Variants in ZMIZ1 observed in about 807,000 individuals in gnomAD.
ZMIZ1 encodes zinc finger MIZ domain-containing protein 1.
ZMIZ1 carries 17 observed loss-of-function variants against 113.9 expected under a neutral mutation model. The observed-to-expected ratio is 0.15, with a 90% CI of 0.10 to 0.22. The LOEUF (loss-of-function observed/expected upper bound fraction) is 0.22, where lower values mean the gene tolerates loss of function less well. Among genes scored for constraint, ZMIZ1 ranks in the 10% least tolerant of loss-of-function variants. ZMIZ1 has a pLI of 1.00. For synonymous variants in ZMIZ1, 607 were observed against 603.1 expected (o/e 1.01, Z -0.09); for missense variants, 1,059 against 1,477.8 (o/e 0.72, Z 4.65).
At chr10:79,311,300 G>T in intron 24 of ZMIZ1, 116 bp downstream of exon 24, 4 of 1,124,140 alleles carry the variant, frequency 3.6e-6, no homozygotes, top group South Asian at 1.6e-5. Context: ...TGGGTGGGCG[G>T]TGGGAGGGCT....
chr10:79,239,026 G>T (rs1417446569), intron 7 of ZMIZ1, among the ~76,000 whole-genome samples: 1 of 152,170 alleles, frequency 6.6e-6, no homozygotes, highest in Non-Finnish European at 1.5e-5. Context: ...GAGCTCAACC[G>T]CAACTGTCCC....
intron 3 of ZMIZ1, among the ~76,000 whole-genome samples, chr10:79,149,390 G>A (rs931082774): frequency 2.0e-5 from 3 of 152,206 alleles, no homozygotes; most frequent in African/African-American, 7.2e-5. Context: ...GAGGGCCTCT[G>A]TTCAGATCTC....
At chr10:79,284,270 C>T (rs753720593) in intron 8 of ZMIZ1, among the ~76,000 whole-genome samples, 24 of 152,078 alleles carry the variant, frequency 1.6e-4, no homozygotes, top group Non-Finnish European at 3.1e-4. Context: ...CTATAAAATA[C>T]GTGAAAAAAG....
chr10:79,093,128 C>CA (rs1843036752), intron 1 of ZMIZ1, among the ~76,000 whole-genome samples: 3 of 117,670 alleles, frequency 2.5e-5, no homozygotes, highest in Admixed American at 1.9e-4. Context: ...CCACCCCCCC[C>CA]ACCCCCAACA....
rs1855277006 is a variant in ZMIZ1, at chr10:79,312,717, G to A, written c.3172G>A (p.Asp1058Asn). Residue 1058 changes from aspartate to asparagine, a missense_variant, in exon 25 of 25, where the codon GAT becomes AAT. Coordinates refer to ENST00000334512, the MANE Select transcript of ZMIZ1 (RefSeq NM_020338.4). ...DPPDLPSNSN[D>N]DLLSLFENN is the part of the protein sequence containing the mutation. ...CCCCGACCTGCCGAGCAATAGTAAC[G>A]ATGACCTCCTGTCTCTATTTGAGAA... is the stretch of plus-strand genomic sequence containing the variant. The A allele has an allele frequency of 1.2e-6, 2 of 1,614,164 alleles. No individual in the cohort carries two copies. The highest frequency in any genetic ancestry group is 1.7e-6 in the Non-Finnish European group (2 of 1,180,020).
intron 6 of ZMIZ1, 75 bp from the exon 7 acceptor site, chr10:79,216,094 T>G: frequency 8.8e-7 from 1 of 1,136,714 alleles, no homozygotes; most frequent in South Asian, 2.0e-5. Flanking sequence ...CCTCACCCAC[T>G]TCACCTGCAA....
chr10:79,312,456 C>T (rs1170239695), intron 24 of ZMIZ1, among the ~76,000 whole-genome samples, 186 bp from the exon 25 acceptor site: 1 of 152,246 alleles, frequency 6.6e-6, no homozygotes, highest in Admixed American at 6.5e-5. Flanking sequence ...ACACTCGGTG[C>T]AGTGGCCGGG....
Position 79,138,659 on chromosome 10 carries a change from C to G in ZMIZ1, c.-226-1023C>G, listed in dbSNP as rs1443312270. ...CTTGGGCCCCATCAGCCAGCCCGCCCCTCCTCCATGCCTCTCCCTCTTCTT... is the reference window on the plus strand; with the variant it reads ...CTTGGGCCCCATCAGCCAGCCCGCCGCTCCTCCATGCCTCTCCCTCTTCTT... On this transcript the variant is annotated intron_variant, in intron 2 of 24. Coordinates refer to ENST00000334512, the MANE Select transcript of ZMIZ1 (RefSeq NM_020338.4). 2.0e-5 allele frequency among the ~76,000 whole-genome samples: 3 copies of G among 152,296 alleles called. No homozygotes were observed. In the East Asian group the frequency reaches 5.8e-4, roughly 29 times the overall value.
intron 2 of ZMIZ1, among the ~76,000 whole-genome samples, chr10:79,136,517 G>A (rs765574745): frequency 7.2e-5 from 11 of 152,234 alleles, no homozygotes; most frequent in Non-Finnish European, 1.5e-4. Context: ...GCCCTAGGTT[G>A]CTGCTGCTGT....
At chr10:79,136,815 G>A (rs1845030805) in intron 2 of ZMIZ1, among the ~76,000 whole-genome samples, 1 of 152,192 alleles carries the variant, frequency 6.6e-6, no homozygotes, top group Admixed American at 6.5e-5. Flanking sequence ...TATGATTAGA[G>A]GGAGGCTTAC....
chr10:79,264,545 G>T (rs76320733), intron 7 of ZMIZ1, among the ~76,000 whole-genome samples: 1 of 152,136 alleles, frequency 6.6e-6, no homozygotes, highest in African/African-American at 2.4e-5. Flanking sequence ...TTGCCCTGCC[G>T]CCAGCAAATT....
chr10:79,078,545 G>T (rs1842552320), intron 1 of ZMIZ1, among the ~76,000 whole-genome samples: 1 of 141,698 alleles, frequency 7.1e-6, no homozygotes, highest in Admixed American at 7.1e-5. Flanking sequence ...CCTTTCCCCA[G>T]ACTACAGACA....
chr10:79,153,103 C>G (rs1465851443), intron 3 of ZMIZ1, among the ~76,000 whole-genome samples: 1 of 152,208 alleles, frequency 6.6e-6, no homozygotes, highest in African/African-American at 2.4e-5. Context: ...ACCCCAGATT[C>G]AAGGGAGAAG....
chr10:79,244,734 A>G (rs1229906246), intron 7 of ZMIZ1, among the ~76,000 whole-genome samples: 1 of 152,146 alleles, frequency 6.6e-6, no homozygotes, highest in Admixed American at 6.5e-5. Flanking sequence ...TGGCCACAGA[A>G]ATTGGGCTGA....
Position 79,302,314 on chromosome 10 carries a change from G to A in ZMIZ1, c.2125+102G>A, listed in dbSNP as rs571994498. 38 of 1,201,662 alleles carry A rather than the reference G, an allele frequency of 3.2e-5. 1 individual carries two copies. Among genetic ancestry groups the A allele is most frequent in the African/African-American group, 1.6e-4 (11 of 67,072 alleles). 74.4% of individuals were successfully genotyped at this position (1,201,662 alleles called of 1,614,324 possible). A position where few individuals can be genotyped will look rare whatever the true frequency, so the allele number is the denominator to read the frequency against. On this transcript the variant is annotated intron_variant, in intron 18 of 24. Coordinates refer to ENST00000334512, the MANE Select transcript of ZMIZ1 (RefSeq NM_020338.4). The stretch of plus-strand genomic sequence containing the variant: ...TCACCTGGAACTGACCTTTGCCTCC[G>A]TGCATGTCACCACCGGGCCTGGAGT...
intron 7 of ZMIZ1, among the ~76,000 whole-genome samples, chr10:79,261,887 A>G (rs1851294313): frequency 1.3e-5 from 2 of 152,206 alleles, no homozygotes; most frequent in African/African-American, 2.4e-5. Context: ...CCAAGATCAC[A>G]TAGTTCATAA....
At chr10:79,078,022 T>C (rs1331276108) in intron 1 of ZMIZ1, among the ~76,000 whole-genome samples, 1 of 152,184 alleles carries the variant, frequency 6.6e-6, no homozygotes, top group East Asian at 1.9e-4. Flanking sequence ...TTCCACACTC[T>C]TGTGTAGCAC....
At chr10:79,082,222 G>C (rs970060520) in intron 1 of ZMIZ1, among the ~76,000 whole-genome samples, 1 of 152,250 alleles carries the variant, frequency 6.6e-6, no homozygotes, top group African/African-American at 2.4e-5. Flanking sequence ...GCAGGCACTC[G>C]GTGCCTATGG....
chr10:79,240,014 C>T (rs528314793), intron 7 of ZMIZ1, among the ~76,000 whole-genome samples: 43 of 152,302 alleles, frequency 2.8e-4, no homozygotes, highest in Non-Finnish European at 4.1e-4. Context: ...ACTGCCTTCC[C>T]GGCTGCAGCG....
Sources: gnomAD v4.1 joint callset for allele counts (sites outside exome capture counted in the v4.1 genomes callset) on GRCh38, gnomAD v4.1.1 for gene constraint, MANE v1.5 for transcripts, NCBI Gene and HGNC (gene_info 2026-07-23, HGNC 2026-07-21) for gene names.